Variants in PDIA6 observed in about 807,000 individuals in gnomAD.
PDIA6 encodes the protein protein disulfide-isomerase A6.
A neutral mutation model predicts 58.4 loss-of-function variants in PDIA6; 29 were observed. The observed-to-expected ratio is 0.50, with a 90% confidence interval of 0.37 to 0.68. PDIA6 has a LOEUF of 0.68. Among genes scored for constraint, PDIA6 ranks in the 30% least tolerant of loss-of-function variants. The probability of loss-of-function intolerance (pLI) is 0.00; values close to 1 mark genes in which losing one functional copy is unlikely to be tolerated. For missense variants in PDIA6, 480 were observed against 551.0 expected, an observed-to-expected ratio of 0.87 and a Z score of 1.29; for synonymous variants, 192 against 202.6, an observed-to-expected ratio of 0.95 and a Z score of 0.44.
intron 12 of PDIA6, 40 bp downstream of exon 12, chr2:10,784,894 C>T: frequency 7.2e-7 from 1 of 1,398,494 alleles, no homozygotes; most frequent in South Asian, 1.2e-5. Flanking sequence ...GAGAGTAAAC[C>T]AGGACTGCTG....
intron 1 of PDIA6, among the ~76,000 whole-genome samples, chr2:10,808,657 A>G (rs1246659233): frequency 6.6e-6 from 1 of 152,146 alleles, no homozygotes; most frequent in Non-Finnish European, 1.5e-5. Context: ...AAGAGGTGGG[A>G]AAGGATGCCT....
chr2:10,800,372 C>T (rs1288233142), intron 2 of PDIA6, among the ~76,000 whole-genome samples: 1 of 152,168 alleles, frequency 6.6e-6, no homozygotes, highest in African/African-American at 2.4e-5. Flanking sequence ...AAGTATTATG[C>T]AAATCTTCCA....
At chr2:10,793,237 G>A (rs372032114) in intron 4 of PDIA6, 35 bp from the exon 5 acceptor site, 17 of 1,486,602 alleles carry the variant, frequency 1.1e-5, no homozygotes, top group South Asian at 3.4e-5. Context: ...TCCTCAGCCC[G>A]GCCTTCAGCA....
chr2:10,809,551 C>T (rs1303959986), intron 1 of PDIA6, among the ~76,000 whole-genome samples: 1 of 142,938 alleles, frequency 7.0e-6, no homozygotes, highest in Non-Finnish European at 1.5e-5. Flanking sequence ...CAAAAATTAG[C>T]TCGGTATGGT....
chr2:10,785,155 C>CTGCA, intron 11 of PDIA6, 125 bp from the exon 12 acceptor site: 1 of 670,424 alleles, frequency 1.5e-6, no homozygotes, highest in African/African-American at 1.8e-5. Flanking sequence ...TTCTCTCTTG[C>CTGCA]TGCACTACAT....
chr2:10,787,793 G>C (rs778139983), intron 10 of PDIA6, among the ~76,000 whole-genome samples: 53 of 152,138 alleles, frequency 3.5e-4, no homozygotes, highest in Non-Finnish European at 6.8e-4. Context: ...GGCTGGGCAC[G>C]GTGGCTCACG....
intron 1 of PDIA6, among the ~76,000 whole-genome samples, chr2:10,809,645 CAAAAA>C (rs56308831): frequency 5.2e-3 from 335 of 64,660 alleles, no homozygotes; most frequent in Middle Eastern, 0.019. Context: ...GACCCGGTCT[CAAAAA>C]AAAAAAAAAA....
chr2:10,816,343 C>T (rs1667192737), upstream of PDIA6, among the ~76,000 whole-genome samples: 1 of 151,694 alleles, frequency 6.6e-6, no homozygotes, highest in Non-Finnish European at 1.5e-5. Context: ...GTCTCGACCT[C>T]CCAAAGTGCT....
chr2:10,818,489 TATTTA>T (rs1667276221), intron 2 of PDIA6, among the ~76,000 whole-genome samples: 4 of 81,404 alleles, frequency 4.9e-5, no homozygotes, highest in Non-Finnish European at 5.2e-5. Context: ...TTAATTTATT[TATTTA>T]TTTATTTATT....
chr2:10,789,969 C>T (rs888631582), intron 7 of PDIA6, 80 bp from the exon 8 acceptor site: 3 of 1,292,138 alleles, frequency 2.3e-6, no homozygotes, highest in Non-Finnish European at 3.2e-6. Flanking sequence ...TCTAAAACCA[C>T]CTTATAGGTA....
At chr2:10,837,340 A>C (rs570507510), upstream of PDIA6, among the ~76,000 whole-genome samples, 2 of 152,364 alleles carry the variant, frequency 1.3e-5, no homozygotes, top group South Asian at 4.1e-4. Context: ...CACAGCATTT[A>C]GTTCCCTGAA....
chr2:10,812,473 C>G (rs1243176579), intron 1 of PDIA6, among the ~76,000 whole-genome samples: 1 of 151,700 alleles, frequency 6.6e-6, no homozygotes, highest in Non-Finnish European at 1.5e-5. Context: ...GAAGCCCCTC[C>G]CCACGGGCGC....
At chr2:10,817,541 G>A (rs190242287), upstream of PDIA6, among the ~76,000 whole-genome samples, 113 of 152,326 alleles carry the variant, frequency 7.4e-4, no homozygotes, top group African/African-American at 2.5e-3. Context: ...ACTGCAGCCA[G>A]GTATATACTG....
At chr2:10,810,147 G>T in intron 1 of PDIA6, 1 of 695,004 alleles carries the variant, frequency 1.4e-6, no homozygotes, top group Non-Finnish European at 2.5e-6. Context: ...TAAACATTTT[G>T]CATATATTAA....
chr2:10,788,628 GA>G (rs1469311856), intron 10 of PDIA6, 68 bp downstream of exon 10: 20 of 1,048,550 alleles, frequency 1.9e-5, no homozygotes, highest in African/African-American at 3.2e-5. Context: ...AAACACGGGG[GA>G]ACCACTCTCA....
upstream of PDIA6, among the ~76,000 whole-genome samples, chr2:10,834,274 G>A (rs1052097187): frequency 2.0e-5 from 3 of 152,268 alleles, no homozygotes; most frequent in African/African-American, 7.2e-5. Flanking sequence ...GATCAAAGGC[G>A]AGCCTCTTTC....
At chr2:10,811,426 G>T (rs559784724) in intron 1 of PDIA6, among the ~76,000 whole-genome samples, 46 of 152,274 alleles carry the variant, frequency 3.0e-4, no homozygotes, top group African/African-American at 1.1e-3. Context: ...GAGACCAGGA[G>T]TTCCAGGCTG....
At chr2:10,788,794 T>A in intron 9 of PDIA6, 25 bp from the exon 10 acceptor site, 1 of 1,592,714 alleles carries the variant, frequency 6.3e-7, no homozygotes, top group Non-Finnish European at 8.6e-7. Context: ...CAAAGTTTTT[T>A]AAAGGTAAAG....
chr2:10,825,200 A>G (rs1482105639), intron 1 of PDIA6, among the ~76,000 whole-genome samples: 2 of 151,844 alleles, frequency 1.3e-5, no homozygotes, highest in Non-Finnish European at 2.9e-5. Flanking sequence ...CAGATGGCCT[A>G]TTTTTGGACC....
Sources: gnomAD v4.1 joint callset for allele counts (sites outside exome capture counted in the v4.1 genomes callset) on GRCh38, gnomAD v4.1.1 for gene constraint, MANE v1.5 for transcripts, NCBI Gene and HGNC (gene_info 2026-07-23, HGNC 2026-07-21) for gene names.